ART3: variants seen among roughly 807,000 people sequenced by gnomAD.
ART3 encodes ADP-ribosyltransferase 3 (inactive), also known as ecto-ADP-ribosyltransferase 3.
In ART3, 49 loss-of-function variants were observed where a neutral mutation model predicts 48.5. The ratio of observed to expected loss-of-function variants is 1.01; its 90% CI spans 0.80 to 1.28. The LOEUF (loss-of-function observed/expected upper bound fraction) is 1.28, where lower values mean the gene tolerates loss of function less well. Ranked by LOEUF, ART3 falls within the 50% of genes most tolerant of loss-of-function variation. The pLI, the probability that ART3 is intolerant of heterozygous loss-of-function variation, is 0.00. For synonymous variants in ART3, 145 were observed against 157.2 expected, an observed-to-expected ratio of 0.92 and a Z score of 0.58; for missense variants, 438 against 454.3, an observed-to-expected ratio of 0.96 and a Z score of 0.33.
chr4:76,081,957 C>T lies in ART3; in HGVS notation c.203C>T (p.Thr68Ile). The T allele has an allele frequency of 1.2e-6, 2 of 1,614,170 alleles. No individual in the cohort carries two copies. Among genetic ancestry groups the T allele is most frequent in the East Asian group, 2.2e-5 (1 of 44,888 alleles). Residue 68 changes from threonine (T) to isoleucine (I), a missense_variant, in exon 3 of 12, where the codon ACT (threonine) becomes ATT (isoleucine). Physicochemically the swap from Thr to Ile is moderately conservative, Grantham distance 89 (BLOSUM62 -1). Coordinates refer to ENST00000355810, the MANE Select transcript of ART3 (RefSeq NM_001130016.3). Reference sequence around the variant, plus strand: ...AAAGCAAGCCACCAGCAATTAGATACTGTGTGGGAAAATGCAAAAGCCAAA... The same window carrying T: ...AAAGCAAGCCACCAGCAATTAGATATTGTGTGGGAAAATGCAAAAGCCAAA... ...EEKASHQQLD[T>I]VWENAKAKWA...
At chr4:76,096,068 A>G (rs1371129579) in intron 3 of ART3, among the ~76,000 whole-genome samples, 2 of 152,210 alleles carry the variant, frequency 1.3e-5, no homozygotes, top group East Asian at 3.9e-4. Context: ...GATTATAGGC[A>G]CGCACCATCA....
intron 3 of ART3, among the ~76,000 whole-genome samples, chr4:76,094,540 A>G (rs1725594414): frequency 6.6e-6 from 1 of 152,190 alleles, no homozygotes. Context: ...TGATTGTTTT[A>G]GGGCTTATTC....
intron 10 of ART3, 21 bp from the exon 11 acceptor site, chr4:76,107,740 C>G (rs1346964273): frequency 1.4e-6 from 2 of 1,387,114 alleles, no homozygotes; most frequent in Non-Finnish European, 2.0e-6. Context: ...ATAACTAACT[C>G]AAAATCTCTT....
chr4:76,018,958 T>C (rs1732507397), intron 1 of ART3, among the ~76,000 whole-genome samples: 1 of 151,562 alleles, frequency 6.6e-6, no homozygotes, highest in Non-Finnish European at 1.5e-5. Context: ...GGAGGATTGC[T>C]TGAGCCTGGG....
intron 1 of ART3, chr4:76,034,949 T>C (rs904772529): frequency 7.1e-5 from 98 of 1,376,778 alleles, no homozygotes; most frequent in Non-Finnish European, 9.9e-5. Context: ...CACAGGATCA[T>C]AGCAGAATCT....
rs762288442 is a variant in ART3 at position 76,107,903 on chromosome 4, G to T, written c.1036+110G>T. ...GGGAACAAAGTTGCAAGGTTTTAAG[G>T]CATCTTAATAACAGAGTATAATGTC... is the stretch of plus-strand genomic sequence containing the variant. On this transcript the variant is annotated intron_variant, in intron 11 of 11. Coordinates refer to ENST00000355810, the MANE Select transcript of ART3 (RefSeq NM_001130016.3). The T allele has an allele frequency of 3.6e-5, 31 of 863,944 alleles. 1 individual carries two copies. Among genetic ancestry groups the T allele is most frequent in the Non-Finnish European group, 5.1e-5 (29 of 568,968 alleles). 53.5% of individuals were successfully genotyped at this position (863,944 alleles called of 1,614,324 possible).
chr4:76,073,814 G>A (rs1335063130), upstream of ART3, among the ~76,000 whole-genome samples: 1 of 152,118 alleles, frequency 6.6e-6, no homozygotes, highest in African/African-American at 2.4e-5. Context: ...AAACATGCTT[G>A]TATCTCTTTT....
intron 1 of ART3, among the ~76,000 whole-genome samples, chr4:76,020,609 C>T (rs752068221): frequency 3.9e-5 from 6 of 152,158 alleles, no homozygotes; most frequent in Non-Finnish European, 7.4e-5. Context: ...GGAGGAGAAA[C>T]AGATCTCAGG....
intron 2 of ART3, among the ~76,000 whole-genome samples, chr4:76,078,851 A>C (rs1440179344): frequency 1.3e-5 from 2 of 152,058 alleles, no homozygotes; most frequent in Non-Finnish European, 2.9e-5. Context: ...GAGGCCGAGA[A>C]AGGCAGATCA....
intron 3 of ART3, among the ~76,000 whole-genome samples, chr4:76,091,713 G>A (rs1361600940): frequency 2.3e-5 from 3 of 131,904 alleles, no homozygotes; most frequent in Admixed American, 8.6e-5. Context: ...ACAGAGTCTC[G>A]CTCTGTCACC....
intron 10 of ART3, chr4:76,106,093 T>G: frequency 1.0e-6 from 1 of 985,318 alleles, no homozygotes; most frequent in South Asian, 4.7e-5. Context: ...CGATAAATAT[T>G]ATTGACACTT....
chr4:76,043,035 G>A (rs7375677), intron 1 of ART3, among the ~76,000 whole-genome samples: 92,753 of 150,884 alleles, frequency 0.61, 29,758 homozygotes, highest in East Asian at 0.94. Flanking sequence ...GAGGTTCTCC[G>A]GGGCCCCACC....
At chr4:76,091,082 C>T (rs1418177580) in intron 3 of ART3, among the ~76,000 whole-genome samples, 1 of 152,180 alleles carries the variant, frequency 6.6e-6, no homozygotes, top group Non-Finnish European at 1.5e-5. Context: ...TTGCATGTAT[C>T]AATAGTTTAT....
chr4:76,063,550 G>C (rs578157259), intron 1 of ART3, among the ~76,000 whole-genome samples: 1 of 152,216 alleles, frequency 6.6e-6, no homozygotes, highest in South Asian at 2.1e-4. Flanking sequence ...AAAAAATCCT[G>C]AATTTTGTTG....
intron 1 of ART3, among the ~76,000 whole-genome samples, chr4:76,038,386 A>C (rs182484250): frequency 1.1e-4 from 16 of 152,272 alleles, no homozygotes; most frequent in Middle Eastern, 3.4e-3. Flanking sequence ...AGTTTCAGGC[A>C]CTCATTGGGG....
intron 1 of ART3, among the ~76,000 whole-genome samples, chr4:76,065,154 G>A (rs1240023671): frequency 2.0e-5 from 3 of 152,126 alleles, no homozygotes; most frequent in East Asian, 1.9e-4. Flanking sequence ...CAATCAAGGA[G>A]GAAGTGTTTG....
intron 1 of ART3, chr4:76,022,436 C>T: frequency 1.2e-6 from 2 of 1,613,144 alleles, no homozygotes; most frequent in Non-Finnish European, 8.5e-7. Flanking sequence ...CTCTTCTCAC[C>T]CTTCTTTTTC....
At chr4:76,023,049 A>T (rs1733018090) in intron 1 of ART3, among the ~76,000 whole-genome samples, 1 of 152,234 alleles carries the variant, frequency 6.6e-6, no homozygotes, top group South Asian at 2.1e-4. Flanking sequence ...AGCACAGTTC[A>T]TGTGGTTCAT....
intron 4 of ART3, among the ~76,000 whole-genome samples, chr4:76,098,071 T>G (rs563651057): frequency 6.6e-6 from 1 of 152,192 alleles, no homozygotes; most frequent in Non-Finnish European, 1.5e-5. Context: ...TTTGTTATCT[T>G]AGGAAATAAC....
Sources: gnomAD v4.1 joint callset for allele counts (sites outside exome capture counted in the v4.1 genomes callset) on GRCh38, gnomAD v4.1.1 for gene constraint, MANE v1.5 for transcripts, NCBI Gene and HGNC (gene_info 2026-07-23, HGNC 2026-07-21) for gene names.